FANCL: variants seen among roughly 807,000 people sequenced by gnomAD.
FANCL encodes the protein FA complementation group L.
Under a neutral mutation model 59.4 loss-of-function variants are expected in FANCL, and 69 were observed. That is an observed-to-expected ratio of 1.16 (90% CI 0.96 to 1.42). The LOEUF (loss-of-function observed/expected upper bound fraction) is 1.42, where lower values mean the gene tolerates loss of function less well. Among genes scored for constraint, FANCL ranks in the 40% most tolerant of loss-of-function variants. The pLI is 0.00. For missense variants in FANCL, 519 were observed against 447.2 expected (o/e 1.16, Z -1.45); for synonymous variants, 180 against 147.1 (o/e 1.22, Z -1.62).
At chr2:58,207,923 G>T (rs1172385165) in intron 5 of FANCL, among the ~76,000 whole-genome samples, 1 of 152,128 alleles carries the variant, frequency 6.6e-6, no homozygotes, top group African/African-American at 2.4e-5. Flanking sequence ...ACTCGTCATG[G>T]TGGCGTGCAC....
intron 3 of FANCL, among the ~76,000 whole-genome samples, chr2:58,227,790 G>A (rs72948887): frequency 6.6e-6 from 1 of 152,138 alleles, no homozygotes; most frequent in Non-Finnish European, 1.5e-5. Flanking sequence ...CGGGGGTGGA[G>A]CCCTCACCAG....
At chr2:58,163,830 C>G (rs1349136700) in intron 8 of FANCL, among the ~76,000 whole-genome samples, 1 of 151,786 alleles carries the variant, frequency 6.6e-6, no homozygotes, top group East Asian at 1.9e-4. Context: ...TCTTTAATAT[C>G]AAAACTATCA....
chr2:58,172,673 C>T (rs998345504), intron 7 of FANCL, among the ~76,000 whole-genome samples: 1 of 152,080 alleles, frequency 6.6e-6, no homozygotes, highest in Admixed American at 6.5e-5. Flanking sequence ...TAGATAAAAC[C>T]ACAAAGATGG....
chr2:58,229,739 C>T, intron 3 of FANCL, 75 bp downstream of exon 3: 2 of 1,069,578 alleles, frequency 1.9e-6, no homozygotes, highest in Non-Finnish European at 2.9e-6. Context: ...TTGTGCAAAG[C>T]AGGTCTTTAA....
intron 7 of FANCL, among the ~76,000 whole-genome samples, chr2:58,173,471 G>A (rs548535806): frequency 1.9e-4 from 29 of 152,284 alleles, no homozygotes; most frequent in African/African-American, 6.7e-4. Flanking sequence ...AAGAGAGTGG[G>A]AGCCAATATT....
intron 5 of FANCL, among the ~76,000 whole-genome samples, chr2:58,217,918 G>C (rs893344502): frequency 6.6e-6 from 1 of 152,024 alleles, no homozygotes; most frequent in African/African-American, 2.4e-5. Flanking sequence ...AGTGGAAATA[G>C]AACACATACC....
At chr2:58,223,150 A>C (rs1039754363) in intron 4 of FANCL, among the ~76,000 whole-genome samples, 8 of 151,616 alleles carry the variant, frequency 5.3e-5, no homozygotes, top group South Asian at 2.1e-4. Context: ...GAAAAAAAAA[A>C]AACAACTGGG....
At chr2:58,185,715 G>A (rs1222306724) in intron 7 of FANCL, among the ~76,000 whole-genome samples, 2 of 152,038 alleles carry the variant, frequency 1.3e-5, no homozygotes, top group Non-Finnish European at 2.9e-5. Flanking sequence ...CGAAAACTGG[G>A]TATCATTATT....
At chr2:58,171,184 A>T (rs896900026) in intron 7 of FANCL, among the ~76,000 whole-genome samples, 1 of 152,238 alleles carries the variant, frequency 6.6e-6, no homozygotes, top group African/African-American at 2.4e-5. Context: ...CTCAAACCAC[A>T]GTGCAATCAA....
chr2:58,159,739 C>A lies in FANCL; in HGVS notation c.*26G>T, dbSNP rs781611808. The A allele has an allele frequency of 6.2e-7, 1 of 1,612,862 alleles. No homozygotes were observed. Among genetic ancestry groups the A allele is most frequent in the Non-Finnish European group, 8.5e-7 (1 of 1,179,548 alleles). On this transcript the variant is annotated 3_prime_UTR_variant, in exon 14 of 14. Transcript: ENST00000233741. ...TTGATAATTTTTTAAGTTTCCAGCT[C>A]TTCACCGAAATGTTGTATTCTTATT...
chr2:58,183,162 A>G (rs1688088293), intron 7 of FANCL, among the ~76,000 whole-genome samples: 1 of 151,902 alleles, frequency 6.6e-6, no homozygotes, highest in South Asian at 2.1e-4. Context: ...CTTAATATAT[A>G]TAAGGTTACT....
At chr2:58,207,161 T>C (rs942086396) in intron 5 of FANCL, among the ~76,000 whole-genome samples, 7 of 152,168 alleles carry the variant, frequency 4.6e-5, no homozygotes, top group African/African-American at 1.7e-4. Context: ...ATAACAGAAC[T>C]ATGCTTTCCT....
intron 7 of FANCL, among the ~76,000 whole-genome samples, chr2:58,186,136 A>G (rs1688382123): frequency 6.6e-6 from 1 of 152,178 alleles, no homozygotes; most frequent in Non-Finnish European, 1.5e-5. Flanking sequence ...AGAGAAGCCT[A>G]GTGCAGCCTT....
At chr2:58,194,923 T>C (rs1479116145) in intron 7 of FANCL, among the ~76,000 whole-genome samples, 1 of 108,804 alleles carries the variant, frequency 9.2e-6, no homozygotes, top group Non-Finnish European at 1.7e-5. Context: ...GTCTATTATA[T>C]CACAAAAAAA....
At chr2:58,236,017 G>C (rs1244063446) in intron 1 of FANCL, among the ~76,000 whole-genome samples, 1 of 150,166 alleles carries the variant, frequency 6.7e-6, no homozygotes, top group Non-Finnish European at 1.5e-5. Flanking sequence ...CATGTATTTG[G>C]AGTGCCCAAC....
At chr2:58,161,094 T>C (rs954584882) in intron 12 of FANCL, among the ~76,000 whole-genome samples, 6 of 152,006 alleles carry the variant, frequency 3.9e-5, no homozygotes, top group Admixed American at 2.6e-4. Flanking sequence ...ATATATTCTA[T>C]TCTTAAATGC....
chr2:58,236,860 G>C (rs745458616), intron 1 of FANCL, among the ~76,000 whole-genome samples: 1 of 152,012 alleles, frequency 6.6e-6, no homozygotes, highest in Non-Finnish European at 1.5e-5. Context: ...TATTACTAAA[G>C]ATAAAAAAGG....
chr2:58,163,176 C>G, intron 9 of FANCL, 102 bp from the exon 10 acceptor site: 1 of 1,056,968 alleles, frequency 9.5e-7, no homozygotes, highest in Non-Finnish European at 1.4e-6. Flanking sequence ...ATTAGAAAAT[C>G]AAAATTATAT....
chr2:58,174,232 G>C (rs1378587394), intron 7 of FANCL, among the ~76,000 whole-genome samples: 1 of 152,114 alleles, frequency 6.6e-6, no homozygotes, highest in Admixed American at 6.6e-5. Context: ...AGATCAACAA[G>C]ACAGAAAGTT....
Sources: gnomAD v4.1 joint callset for allele counts (sites outside exome capture counted in the v4.1 genomes callset) on GRCh38, gnomAD v4.1.1 for gene constraint, MANE v1.5 for transcripts, NCBI Gene and HGNC (gene_info 2026-07-23, HGNC 2026-07-21) for gene names.